The following ZNF550 variants were observed in gnomAD, a reference collection of about 807,000 sequenced individuals.
ZNF550 encodes the protein zinc finger protein 550.
ZNF550 carries 42 observed loss-of-function variants against 40.2 expected under a neutral mutation model. The observed-to-expected ratio is 1.05, with a 90% CI of 0.82 to 1.35. The LOEUF is 1.35. ZNF550 is among the 40% of genes most tolerant of loss of function. The pLI is 0.00. For missense variants in ZNF550, 549 were observed against 525.2 expected, an observed-to-expected ratio of 1.05 and a Z score of -0.44; for synonymous variants, 223 against 198.6, an observed-to-expected ratio of 1.12 and a Z score of -1.03.
intron 3 of ZNF550, chr19:57,552,412 A>G: frequency 2.0e-6 from 1 of 506,780 alleles, no homozygotes; most frequent in Non-Finnish European, 3.5e-6. Context: ...AACCATAAAG[A>G]TTCCTGTTCA....
exon 1 of ZNF550, chr19:57,559,726 G>A: frequency 4.9e-6 from 7 of 1,437,706 alleles, no homozygotes; most frequent in Non-Finnish European, 6.5e-6. Flanking sequence ...GCTCCCACGG[G>A]CTCAAAACCC....
At position 57,556,384 on chromosome 19, in the gene ZNF550, A is replaced by G. The variant is rs775425331; in HGVS notation, c.28-27T>C. The G allele has an allele frequency of 4.4e-6, 7 of 1,604,648 alleles. No homozygotes were observed. In the African/African-American group the frequency reaches 8.0e-5, roughly 18 times the overall value. ...TGGAAAGTCAAACAGAAGTAATGCT[A>G]TTGGCCTTGTGTTGTCGCATAGGAT... On this transcript the variant is annotated intron_variant, in intron 1 of 4. Transcript: ENST00000457177.
At chr19:57,552,258 T>G (rs1445454035) in intron 3 of ZNF550, 1 of 402,630 alleles carries the variant, frequency 2.5e-6, no homozygotes, top group Non-Finnish European at 4.4e-6. Flanking sequence ...CATAGCCAAA[T>G]CACATTTGTC....
intron 4 of ZNF550, chr19:57,546,412 C>T (rs2090010149): frequency 1.2e-6 from 1 of 857,812 alleles, no homozygotes; most frequent in Admixed American, 6.2e-5. Context: ...AAAAATAAAA[C>T]TGATCTTACA....
chr19:57,544,166 A>G (rs1600170645), intron 4 of ZNF550: 1 of 985,308 alleles, frequency 1.0e-6, no homozygotes, highest in East Asian at 1.1e-4. Context: ...ACTGCATCCC[A>G]CTCTTCTAAG....
At chr19:57,547,011 C>T (rs763478648) in exon 4 of ZNF550, 4 of 1,613,236 alleles carry the variant, frequency 2.5e-6, no homozygotes, top group Non-Finnish European at 8.5e-7. Context: ...GAAGGTGTGA[C>T]CTGCGTTTGA....
At chr19:57,547,925 G>A in exon 4 of ZNF550, 2 of 1,614,158 alleles carry the variant, frequency 1.2e-6, no homozygotes, top group South Asian at 1.1e-5. Context: ...CTTCCCCGGA[G>A]AAAGGCCCGC....
chr19:57,544,535 T>G, intron 4 of ZNF550: 2 of 985,350 alleles, frequency 2.0e-6, no homozygotes, highest in Non-Finnish European at 2.4e-6. Flanking sequence ...GTGGGGGTCC[T>G]CAAGAGTCAA....
chr19:57,553,588 T>C (rs909415337), intron 2 of ZNF550: 1 of 152,146 alleles, frequency 6.6e-6, no homozygotes, highest in African/African-American at 2.4e-5. Context: ...TGGCTAGTTT[T>C]TGTATTTTTA....
intron 2 of ZNF550, 165 bp downstream of exon 2, chr19:57,556,066 C>A: frequency 2.3e-6 from 2 of 857,812 alleles, no homozygotes; most frequent in Non-Finnish European, 3.7e-6. Flanking sequence ...GTTAAAAGGA[C>A]ATTTTCTACC....
At chr19:57,552,351 ACTTCTCCCCTTCTTCTTGTTCCCCTT>A in intron 3 of ZNF550, 1 of 475,882 alleles carries the variant, frequency 2.1e-6, no homozygotes, top group Non-Finnish European at 3.7e-6. Context: ...ACTGGGTATG[ACTTCTCCCCTTCTTCTTGTTCCCCTT>A]CTACCAGCTG....
chr19:57,559,506 C>T, intron 1 of ZNF550, 150 bp downstream of exon 1: 1 of 723,872 alleles, frequency 1.4e-6, no homozygotes, highest in Non-Finnish European at 1.9e-6. Context: ...GCCTGCATTC[C>T]GGACCCGGGA....
At chr19:57,559,681 A>G in exon 1 of ZNF550, 1 of 1,503,940 alleles carries the variant, frequency 6.6e-7, no homozygotes. Context: ...CGTCTCCGCC[A>G]TCCGACCGTT....
intron 1 of ZNF550, among the ~76,000 whole-genome samples, chr19:57,558,313 A>G (rs2090140042): frequency 6.6e-6 from 1 of 152,230 alleles, no homozygotes; most frequent in Non-Finnish European, 1.5e-5. Context: ...GGATGAATGC[A>G]GTGAGAAAGG....
intron 3 of ZNF550, chr19:57,552,249 A>G (rs2090078789): frequency 2.5e-6 from 1 of 403,244 alleles, no homozygotes; most frequent in Non-Finnish European, 4.4e-6. Flanking sequence ...CCATGGGCAC[A>G]TAGCCAAATC....
At chr19:57,550,824 T>C (rs1416622718) in intron 3 of ZNF550, among the ~76,000 whole-genome samples, 1 of 152,224 alleles carries the variant, frequency 6.6e-6, no homozygotes, top group Non-Finnish European at 1.5e-5. Flanking sequence ...CAAAAAAATA[T>C]TAAAGTCAAG....
intron 1 of ZNF550, 129 bp downstream of exon 1, chr19:57,559,527 C>G (rs2090151570): frequency 8.9e-6 from 8 of 897,768 alleles, no homozygotes; most frequent in African/African-American, 1.7e-5. Flanking sequence ...CCGCGCGACC[C>G]CCTTCTAGGC....
exon 4 of ZNF550, chr19:57,547,661 A>G (rs758007183): frequency 1.3e-5 from 21 of 1,614,062 alleles, no homozygotes; most frequent in Non-Finnish European, 1.4e-5. Flanking sequence ...GCATGAATCA[A>G]GGCGTCTTTC....
exon 1 of ZNF550, chr19:57,559,665 G>A (rs1220838432): frequency 3.2e-5 from 48 of 1,507,194 alleles, no homozygotes; most frequent in Non-Finnish European, 3.9e-5. Context: ...CCTGCGCTGC[G>A]TCCTTCGTCT....
Sources: gnomAD v4.1 joint callset for allele counts (sites outside exome capture counted in the v4.1 genomes callset) on GRCh38, gnomAD v4.1.1 for gene constraint, MANE v1.5 for transcripts, NCBI Gene and HGNC (gene_info 2026-07-23, HGNC 2026-07-21) for gene names.